The following EXOC2 variants were observed in gnomAD, a reference collection of about 807,000 sequenced individuals.
EXOC2 encodes the protein exocyst complex component 2, also known as SEC5-like 1.
In EXOC2, 70 loss-of-function variants were observed where a neutral mutation model predicts 131.8. The ratio of observed to expected loss-of-function variants is 0.53; its 90% confidence interval spans 0.44 to 0.65. EXOC2 has a LOEUF of 0.65. Ranked by LOEUF, EXOC2 falls within the 30% of genes least tolerant of loss-of-function variation. The pLI, the probability that EXOC2 is intolerant of heterozygous loss-of-function variation, is 0.00. For missense variants in EXOC2, 923 were observed against 1,108.6 expected (o/e 0.83, Z 2.38); for synonymous variants, 411 against 398.4 (o/e 1.03, Z -0.38).
intron 11 of EXOC2, among the ~76,000 whole-genome samples, chr6:582,780 T>A: frequency 6.6e-6 from 1 of 152,024 alleles, no homozygotes; most frequent in East Asian, 1.9e-4. Context: ...ATTTTTAAAG[T>A]CCTGACAGGG....
intron 17 of EXOC2, among the ~76,000 whole-genome samples, chr6:562,179 TC>T (rs1358177029): frequency 4.6e-5 from 7 of 151,770 alleles, no homozygotes; most frequent in Non-Finnish European, 7.4e-5. Context: ...GAGACAGAAG[TC>T]CCCCCCTGGT....
chr6:583,522 T>C (rs1309488732), intron 11 of EXOC2, among the ~76,000 whole-genome samples: 1 of 152,198 alleles, frequency 6.6e-6, no homozygotes, highest in Non-Finnish European at 1.5e-5. Flanking sequence ...TCCAACTTTT[T>C]CTTGTGATAT....
intron 25 of EXOC2, 151 bp from the exon 26 acceptor site, chr6:491,337 T>TA: frequency 1.4e-6 from 1 of 705,252 alleles, no homozygotes; most frequent in East Asian, 2.7e-5. Context: ...GTAGAGTTTC[T>TA]AAAACAGTCC....
chr6:575,720 C>G (rs1401657714), intron 12 of EXOC2, among the ~76,000 whole-genome samples: 1 of 152,190 alleles, frequency 6.6e-6, no homozygotes, highest in East Asian at 1.9e-4. Context: ...AACAGACTAA[C>G]ACAGCTTAAT....
chr6:688,614 G>A (rs1415454328), intron 1 of EXOC2, among the ~76,000 whole-genome samples: 1 of 152,184 alleles, frequency 6.6e-6, no homozygotes, highest in African/African-American at 2.4e-5. Flanking sequence ...GCAGTTCGGT[G>A]TTACTCTTCC....
Position 689,498 on chromosome 6 carries a change from C to T in EXOC2, c.-44+3521G>A, listed in dbSNP as rs115667976. 6.0e-3 allele frequency among the ~76,000 whole-genome samples: 913 copies of T among 152,302 alleles called. 13 individuals carry two copies. Among genetic ancestry groups the T allele is most frequent in the African/African-American group, 0.021 (878 of 41,552 alleles). On this transcript the variant is annotated intron_variant, in intron 1 of 27. Transcript: ENST00000230449. ...GGGCCTTTGCTCCTGGTATGCAGCC[C>T]AGGTGTTCACACGCCTTCCTTCATC...
intron 17 of EXOC2, among the ~76,000 whole-genome samples, chr6:561,052 C>A (rs959176045): frequency 1.3e-5 from 2 of 152,090 alleles, no homozygotes; most frequent in Non-Finnish European, 2.9e-5. Flanking sequence ...AAAATAGAAT[C>A]TTAATTGACT....
At chr6:510,106 A>C (rs1275022393) in intron 23 of EXOC2, among the ~76,000 whole-genome samples, 1 of 152,214 alleles carries the variant, frequency 6.6e-6, no homozygotes, top group Admixed American at 6.5e-5. Flanking sequence ...GCCTAATTAA[A>C]AAAAAGAAAA....
chr6:592,909 A>T (rs1476139484), intron 10 of EXOC2, among the ~76,000 whole-genome samples: 1 of 152,080 alleles, frequency 6.6e-6, no homozygotes, highest in African/African-American at 2.4e-5. Flanking sequence ...GCAAGCCTGT[A>T]ATCTCAGCTA....
At chr6:567,929 C>G (rs1758065399) in intron 13 of EXOC2, among the ~76,000 whole-genome samples, 1 of 152,206 alleles carries the variant, frequency 6.6e-6, no homozygotes, top group African/African-American at 2.4e-5. Context: ...ATGCCCAATT[C>G]TTCTCCCGGA....
intron 22 of EXOC2, among the ~76,000 whole-genome samples, chr6:538,694 C>A (rs909659597): frequency 2.0e-5 from 3 of 152,188 alleles, no homozygotes; most frequent in African/African-American, 7.2e-5. Flanking sequence ...TCATGATTTT[C>A]CCACTTTACC....
At chr6:488,946 A>G in intron 27 of EXOC2, 33 bp downstream of exon 27, 1 of 1,602,590 alleles carries the variant, frequency 6.2e-7, no homozygotes, top group South Asian at 1.1e-5. Flanking sequence ...GAGCACATTC[A>G]ACTGGCTCCT....
rs371351053 is a variant in EXOC2, at chr6:549,225, C to A, written c.2188G>T (p.Ala730Ser). ...AAGTTGTGCTTTTCAAAATGTTCTG[C>A]GATATTTAGGAAGGTGTGACGTTCT... ...YLERHTFLNI[A>S]EHFEKHNFQG... The change falls in exon 22 of 28, where the codon GCA becomes TCA. Residue 730 changes from alanine (A) to serine (S), a missense_variant. By Grantham distance (99) the Ala-to-Ser change is moderately conservative (BLOSUM62 1). Transcript: ENST00000230449. The A allele has an allele frequency of 6.2e-7, 1 of 1,614,012 alleles. No homozygotes were observed. The highest frequency in any genetic ancestry group is 1.1e-5 in the South Asian group (1 of 91,062).
intron 10 of EXOC2, among the ~76,000 whole-genome samples, chr6:595,946 T>C (rs1759791479): frequency 6.6e-6 from 1 of 152,148 alleles, no homozygotes; most frequent in African/African-American, 2.4e-5. Context: ...ATATACATTC[T>C]TTCTTATGGA....
chr6:507,327 G>A (rs112488915), intron 23 of EXOC2, among the ~76,000 whole-genome samples: 6,796 of 43,754 alleles, frequency 0.16, 394 homozygotes, highest in Non-Finnish European at 0.24. Context: ...ACAAAGAAGT[G>A]ACCCCCCCCA....
chr6:572,862 G>A (rs546656625), intron 12 of EXOC2, among the ~76,000 whole-genome samples: 1 of 152,352 alleles, frequency 6.6e-6, no homozygotes, highest in South Asian at 2.1e-4. Context: ...TGGCAAGGAA[G>A]AGCCCCTCTC....
chr6:499,812 T>C, intron 23 of EXOC2, 112 bp from the exon 24 acceptor site: 1 of 759,496 alleles, frequency 1.3e-6, no homozygotes, highest in Non-Finnish European at 2.3e-6. Flanking sequence ...AAACAGAAAG[T>C]AACACCACCA....
intron 7 of EXOC2, among the ~76,000 whole-genome samples, chr6:604,531 T>TA (rs1179679239): frequency 6.6e-6 from 1 of 152,168 alleles, no homozygotes; most frequent in East Asian, 1.9e-4. Context: ...ATCGTTCTGT[T>TA]AAACTTCTGC....
intron 22 of EXOC2, among the ~76,000 whole-genome samples, chr6:546,505 C>T (rs938134464): frequency 1.3e-5 from 2 of 152,136 alleles, no homozygotes; most frequent in African/African-American, 4.8e-5. Context: ...GCAGGTGACC[C>T]TTGAACACCA....
Sources: allele counts gnomAD v4.1 joint callset (sites outside exome capture counted in the v4.1 genomes callset), GRCh38; gene constraint gnomAD v4.1.1; transcripts MANE v1.5; gene names NCBI Gene and HGNC (gene_info 2026-07-23, HGNC 2026-07-21).